The following ZDBF2 variants were observed in gnomAD, a reference collection of about 807,000 sequenced individuals.
ZDBF2 encodes DBF4-type zinc finger-containing protein 2.
A neutral mutation model predicts 9.4 loss-of-function variants in ZDBF2; 6 were observed. The ratio of observed to expected loss-of-function variants is 0.64; its 90% CI spans 0.35 to 1.27. ZDBF2 has a LOEUF of 1.27. Ranked by LOEUF, ZDBF2 falls within the 50% of genes most tolerant of loss-of-function variation. The pLI is 0.03. For synonymous variants in ZDBF2, 905 were observed against 946.3 expected (o/e 0.96, Z 0.80); for missense variants, 2,697 against 2,766.8 (o/e 0.97, Z 0.57).
Position 206,306,333 on chromosome 2 carries a change from G to A in ZDBF2, c.1805G>A (p.Gly602Glu). 1 of 1,613,698 alleles carries A rather than the reference G, an allele frequency of 6.2e-7. No individual in the cohort carries two copies. Among genetic ancestry groups the A allele is most frequent in the Non-Finnish European group, 8.5e-7 (1 of 1,179,792 alleles). Residue 602 changes from glycine to glutamate, a missense_variant, in exon 5 of 5, where the codon GGA (glycine) becomes GAA (glutamate). This residue lies in a region of ZDBF2 where 910 missense variants were observed against 973.6 expected (regional missense o/e 0.93). Transcript: ENST00000374423. ...VVDHPQLTVK[G>E]RNLKGRQVHL... is the part of the protein sequence containing the mutation. ...GATCATCCCCAACTGACTGTCAAAG[G>A]AAGAAACCTGAAAGGTAGACAAGTC...
At position 206,311,322 on chromosome 2, in the gene ZDBF2, C is replaced by A; in HGVS notation, c.6794C>A (p.Thr2265Lys). 2 of 1,604,520 alleles carry A rather than the reference C, an allele frequency of 1.2e-6. No individual in the cohort carries two copies. The highest frequency in any genetic ancestry group is 1.3e-5 in the African/African-American group (1 of 74,958). The change falls in exon 5 of 5, where the codon ACA (threonine) becomes AAA (lysine). Residue 2265 changes from threonine to lysine, a missense_variant. Thr to Lys is a moderately conservative substitution (Grantham distance 78). Transcript: ENST00000374423. ...VVSRLKKAKR[T>K]AKVLLNSSVP... The stretch of plus-strand genomic sequence containing the variant: ...AGTAGGCTAAAGAAGGCGAAGAGAA[C>A]AGCTAAAGTGCTTTTGAACTCTTCA...
intron 4 of ZDBF2, among the ~76,000 whole-genome samples, chr2:206,297,782 C>T (rs552743887): frequency 5.9e-5 from 9 of 152,182 alleles, no homozygotes; most frequent in African/African-American, 1.7e-4. Flanking sequence ...CAGGTTCAAG[C>T]GATTCTCCTG....
In ZDBF2 at chr2:206,305,414, G is replaced by C; in HGVS notation, c.886G>C (p.Gly296Arg). ...LKFHERMGTKGSLRVKSPSKL... is the reference protein window; with the variant it reads ...LKFHERMGTKRSLRVKSPSKL... ...ATTCCATGAACGCATGGGTACTAAG[G>C]GCTCCTTAAGAGTTAAATCTCCTTC... The change falls in exon 5 of 5, where the codon GGC becomes CGC. Residue 296 changes from glycine to arginine, a missense_variant. Gly to Arg is a moderately radical substitution (Grantham distance 125). Coordinates refer to ENST00000374423, the MANE Select transcript of ZDBF2 (RefSeq NM_020923.3). The C allele has an allele frequency of 4.3e-6, 7 of 1,613,398 alleles. No individual in the cohort carries two copies. The highest frequency in any genetic ancestry group is 5.9e-6 in the Non-Finnish European group (7 of 1,179,714).
rs777536131 is a variant in ZDBF2 at position 206,308,385 on chromosome 2, A to T, written c.3857A>T (p.Asn1286Ile). 6.2e-7 allele frequency: 1 copy of T among 1,612,432 alleles called. No individual in the cohort carries two copies. The highest frequency in any genetic ancestry group is 8.5e-7 in the Non-Finnish European group (1 of 1,179,556). The change falls in exon 5 of 5, where the codon AAT (asparagine) becomes ATT (isoleucine). Residue 1286 changes from asparagine to isoleucine, a missense_variant. Transcript: ENST00000374423. ...GTCAAACCTACAGATTCCAGAATAA[A>T]TTTTGATTCTCATGAACCCCTTCAG... ...KIVKPTDSRI[N>I]FDSHEPLQSV...
intron 3 of ZDBF2, among the ~76,000 whole-genome samples, chr2:206,295,359 T>TTTTC (rs2105926229): frequency 7.2e-6 from 1 of 138,590 alleles, no homozygotes; most frequent in African/African-American, 2.7e-5. Flanking sequence ...TTTTCTTTTC[T>TTTTC]TTTCTTTTTT....
At position 206,310,257 on chromosome 2, in the gene ZDBF2, C is replaced by T. The variant is rs777355161; in HGVS notation, c.5729C>T (p.Ser1910Leu). The T allele has an allele frequency of 6.8e-6, 11 of 1,613,926 alleles. No individual in the cohort carries two copies. The South Asian group carries it at 1.1e-4, about 16-fold the overall frequency. Residue 1910 changes from serine (S) to leucine (L), a missense_variant, in exon 5 of 5, where the codon TCA (serine) becomes TTA (leucine). This residue lies in a region of ZDBF2 where 1,783 missense variants were observed against 1,776.5 expected (regional missense o/e 1.00). Transcript: ENST00000374423. ...GGTATTTCAGATATTGATGACTTGT[C>T]AGTGGCCTTAGATAAACCATGCCAT... ...VCGISDIDDL[S>L]VALDKPCHRH...
At chr2:206,295,160 A>C (rs1029604343) in intron 3 of ZDBF2, among the ~76,000 whole-genome samples, 3 of 152,190 alleles carry the variant, frequency 2.0e-5, no homozygotes, top group African/African-American at 7.2e-5. Flanking sequence ...GTGATATTTT[A>C]AAATGTCTTT....
At position 206,310,013 on chromosome 2, in the gene ZDBF2, G is replaced by T; in HGVS notation, c.5485G>T (p.Gly1829Trp). ...GCCTCATGTACCTCCTTCATTTGTG[G>T]GGAAAACATGGTCTCAGATAATGAG... Reference protein sequence around the residue: ...ALPHVPPSFVGKTWSQIMRED... With the variant: ...ALPHVPPSFVWKTWSQIMRED... The change falls in exon 5 of 5, where the codon GGG becomes TGG. Residue 1829 changes from glycine (G) to tryptophan (W), a missense_variant. By Grantham distance (184) the Gly-to-Trp change is radical (BLOSUM62 -2). Transcript: ENST00000374423. 1 of 1,613,050 alleles carries T rather than the reference G, an allele frequency of 6.2e-7. No homozygotes were observed. Among genetic ancestry groups the T allele is most frequent in the Non-Finnish European group, 8.5e-7 (1 of 1,179,680 alleles).
intron 4 of ZDBF2, among the ~76,000 whole-genome samples, chr2:206,301,927 A>T (rs1692522974): frequency 6.6e-6 from 1 of 150,600 alleles, no homozygotes; most frequent in Admixed American, 6.6e-5. Flanking sequence ...TTTTGGCCAT[A>T]TCTCATAGTT....
rs767969321 is a variant in ZDBF2 at position 206,310,201 on chromosome 2, A to G, written c.5673A>G (p.Gln1891=). 2.5e-6 allele frequency: 4 copies of G among 1,613,860 alleles called. No homozygotes were observed. Among genetic ancestry groups the G allele is most frequent in the Non-Finnish European group, 2.5e-6 (3 of 1,179,894 alleles). ...GTAAGGAGGACACTGCACCAACTCAAGCTGTGTCAGAGAGTGATGATATTG... is the reference window on the plus strand; with the variant it reads ...GTAAGGAGGACACTGCACCAACTCAGGCTGTGTCAGAGAGTGATGATATTG... ...LQGKEDTAPT[Q]AVSESDDIVC... Residue 1891 remains glutamine (Q), a synonymous_variant, in exon 5 of 5, where the codon CAA becomes CAG. Coordinates refer to ENST00000374423, the MANE Select transcript of ZDBF2 (RefSeq NM_020923.3).
intron 3 of ZDBF2, chr2:206,292,265 G>A (rs1185986461): frequency 2.5e-5 from 10 of 393,528 alleles, no homozygotes; most frequent in African/African-American, 1.4e-4. Context: ...AATTTTAGGC[G>A]TTGACAGTTC....
rs997213386 is a variant in ZDBF2, at chr2:206,308,246, G to A, written c.3718G>A (p.Gly1240Ser). 6.2e-7 allele frequency: 1 copy of A among 1,613,860 alleles called. No individual in the cohort carries two copies. Among genetic ancestry groups the A allele is most frequent in the Admixed American group, 1.7e-5 (1 of 59,984 alleles). The change falls in exon 5 of 5, where the codon GGT (glycine) becomes AGT (serine). Residue 1240 changes from glycine to serine, a missense_variant. Around this residue, in one of 3 missense-constraint regions of ZDBF2, gnomAD observed 1,783 missense variants for 1,776.5 expected, o/e 1.00. Coordinates refer to ENST00000374423, the MANE Select transcript of ZDBF2 (RefSeq NM_020923.3). ...GGAAGATAGGAGAAATGAAGCTAAG[G>A]GTTTTGAAATTATGTATGATTCTGA... Reference protein sequence around the residue: ...DTEDRRNEAKGFEIMYDSDVL... With the variant: ...DTEDRRNEAKSFEIMYDSDVL...
intron 3 of ZDBF2, among the ~76,000 whole-genome samples, chr2:206,288,188 T>C (rs990968041): frequency 6.6e-6 from 1 of 152,256 alleles, no homozygotes; most frequent in African/African-American, 2.4e-5. Flanking sequence ...TCTTCCATAC[T>C]TTCTGGAGTG....
At chr2:206,278,946 CT>C (rs1475450844) in intron 1 of ZDBF2, among the ~76,000 whole-genome samples, 1 of 152,278 alleles carries the variant, frequency 6.6e-6, no homozygotes, top group Non-Finnish European at 1.5e-5. Flanking sequence ...GCATGGAACT[CT>C]GTGCTGAGTG....
intron 4 of ZDBF2, among the ~76,000 whole-genome samples, chr2:206,298,204 A>T (rs963281860): frequency 6.6e-6 from 1 of 152,226 alleles, no homozygotes; most frequent in Admixed American, 6.5e-5. Flanking sequence ...TTTTGATAAC[A>T]TTTAAGAGTT....
chr2:206,305,535 A>T lies in ZDBF2; in HGVS notation c.1007A>T (p.Asn336Ile). The change falls in exon 5 of 5, where the codon AAC becomes ATC. Residue 336 changes from asparagine (N) to isoleucine (I), a missense_variant. Physicochemically the swap from Asn to Ile is moderately radical, Grantham distance 149 (BLOSUM62 -3). Coordinates refer to ENST00000374423, the MANE Select transcript of ZDBF2 (RefSeq NM_020923.3). ...IAKNHEEFFS[N>I]MDCTQEEKHL... The stretch of plus-strand genomic sequence containing the variant: ...AAGAACCATGAGGAATTCTTTTCTA[A>T]CATGGATTGTACCCAAGAAGAAAAG... The T allele has an allele frequency of 6.2e-7, 1 of 1,613,692 alleles. No individual in the cohort carries two copies. Among genetic ancestry groups the T allele is most frequent in the Non-Finnish European group, 8.5e-7 (1 of 1,179,798 alleles).
rs903380713 is a variant in ZDBF2 at position 206,279,563 on chromosome 2, T to C, written c.-79T>C. 3 of 152,176 alleles carry C rather than the reference T, an allele frequency of 2.0e-5. No individual in the cohort carries two copies. The highest frequency in any genetic ancestry group is 4.4e-5 in the Non-Finnish European group (3 of 68,038). The allele number at this position is 152,176 out of a possible 1,614,324, so 9.4% of individuals were successfully genotyped here. A position where few individuals can be genotyped will look rare whatever the true frequency, so the allele number is the denominator to read the frequency against. On this transcript the variant is annotated 5_prime_UTR_variant, in exon 2 of 5. Coordinates refer to ENST00000374423, the MANE Select transcript of ZDBF2 (RefSeq NM_020923.3). ...AGATACTTGCCAGAACTAATACAGC[T>C]GATGAAATACCTGACCTTTTCTGCT... is the stretch of plus-strand genomic sequence containing the variant.
chr2:206,302,923 A>G (rs1187161229), intron 4 of ZDBF2, among the ~76,000 whole-genome samples: 1 of 152,158 alleles, frequency 6.6e-6, no homozygotes, highest in Non-Finnish European at 1.5e-5. Context: ...GGCTATTTTT[A>G]TAAACAAACA....
rs1278961949 is a variant in ZDBF2, at chr2:206,305,662, C to G, written c.1134C>G (p.Pro378=). 1.2e-6 allele frequency: 2 copies of G among 1,613,586 alleles called. No homozygotes were observed. The highest frequency in any genetic ancestry group is 1.7e-6 in the Non-Finnish European group (2 of 1,179,760). The change falls in exon 5 of 5, where the codon CCC becomes CCG. Residue 378 remains proline, a synonymous_variant. Transcript: ENST00000374423. ...CTCTTCAGTCAGCATCTGATCAGCC[C>G]CAAGAGACTGCACAAGACTTAAGTC... ...CISLQSASDQ[P]QETAQDLSLW...
Sources: gnomAD v4.1 joint callset for allele counts (sites outside exome capture counted in the v4.1 genomes callset) on GRCh38, gnomAD v4.1.1 for gene constraint, gnomAD v4.1.1 regional missense constraint, MANE v1.5 for transcripts, NCBI Gene and HGNC (gene_info 2026-07-23, HGNC 2026-07-21) for gene names.